The following CIMIP7 variants were observed in gnomAD, a reference collection of about 807,000 sequenced individuals.
CIMIP7 encodes uncharacterized protein C3orf84.
chr3:49,191,196 G>C, the CIMIP7 span, among the ~76,000 whole-genome samples: 2 of 152,258 alleles, frequency 1.3e-5, no homozygotes, highest in African/African-American at 4.8e-5. Flanking sequence ...TCCTAAGCCT[G>C]CCCTCTGGCC....
the CIMIP7 span, among the ~76,000 whole-genome samples, chr3:49,182,834 C>T: frequency 6.6e-6 from 1 of 152,192 alleles, no homozygotes; most frequent in East Asian, 1.9e-4. Context: ...TAAGGCCTGG[C>T]GAGAAATTCA....
At chr3:49,178,070 CCCTTGGCCCACATT>C in the CIMIP7 span, 1 of 1,556,530 alleles carries the variant, frequency 6.4e-7, no homozygotes, top group Non-Finnish European at 8.7e-7. Context: ...ACGGTATGGG[CCCTTGGCCCACATT>C]CCTGGCACCA....
chr3:49,178,660 C>A, the CIMIP7 span: 2 of 729,142 alleles, frequency 2.7e-6, no homozygotes, highest in South Asian at 1.6e-5. Flanking sequence ...TGCCCCTAAG[C>A]TGCTAAACTG....
At chr3:49,185,185 C>A in the CIMIP7 span, among the ~76,000 whole-genome samples, 1 of 151,282 alleles carries the variant, frequency 6.6e-6, no homozygotes, top group East Asian at 2.0e-4. Context: ...CACTTGAACC[C>A]GGGAGGCAGA....
At chr3:49,183,795 T>C in the CIMIP7 span, among the ~76,000 whole-genome samples, 4 of 152,262 alleles carry the variant, frequency 2.6e-5, no homozygotes, top group Non-Finnish European at 5.9e-5. Context: ...AACAGCTTTA[T>C]TTGTATGAGC....
chr3:49,187,965 T>C, the CIMIP7 span, among the ~76,000 whole-genome samples: 1 of 152,236 alleles, frequency 6.6e-6, no homozygotes, highest in Non-Finnish European at 1.5e-5. Context: ...ACATGCCCCT[T>C]ACATGTCTGT....
At chr3:49,183,116 A>G in the CIMIP7 span, among the ~76,000 whole-genome samples, 1 of 152,202 alleles carries the variant, frequency 6.6e-6, no homozygotes, top group Non-Finnish European at 1.5e-5. Flanking sequence ...GTGGGAGTCC[A>G]GGCAGAGGAG....
the CIMIP7 span, chr3:49,177,872 G>A: frequency 6.2e-7 from 1 of 1,613,818 alleles, no homozygotes; most frequent in Non-Finnish European, 8.5e-7. Flanking sequence ...AAGTGGATGA[G>A]GTGCTGGGGG....
chr3:49,181,886 G>A, the CIMIP7 span, among the ~76,000 whole-genome samples: 1 of 152,256 alleles, frequency 6.6e-6, no homozygotes, highest in East Asian at 1.9e-4. Context: ...TCTTAAAGGC[G>A]GCATGTCCGG....
the CIMIP7 span, among the ~76,000 whole-genome samples, chr3:49,181,451 G>A: frequency 6.6e-6 from 1 of 151,716 alleles, no homozygotes; most frequent in African/African-American, 2.4e-5. Context: ...AGGAGTTCAA[G>A]ACCGGCCTGG....
the CIMIP7 span, among the ~76,000 whole-genome samples, chr3:49,186,099 C>T: frequency 6.6e-6 from 1 of 150,826 alleles, no homozygotes; most frequent in African/African-American, 2.4e-5. Context: ...CTCCCGGGTT[C>T]GAGCAATTCT....
the CIMIP7 span, among the ~76,000 whole-genome samples, chr3:49,183,749 A>G: frequency 5.9e-3 from 903 of 152,322 alleles, 9 homozygotes; most frequent in African/African-American, 0.02. Context: ...AGACAAAAAC[A>G]TATGTTCAAC....
the CIMIP7 span, among the ~76,000 whole-genome samples, chr3:49,178,757 G>A: frequency 6.6e-6 from 1 of 152,118 alleles, no homozygotes; most frequent in Admixed American, 6.5e-5. Flanking sequence ...GCAGAAGCCC[G>A]TGGAACCCTT....
chr3:49,190,001 G>T, the CIMIP7 span: 1 of 1,577,258 alleles, frequency 6.3e-7, no homozygotes, highest in Non-Finnish European at 8.7e-7. Flanking sequence ...AGTCACCCCC[G>T]CTGCCTTCAG....
chr3:49,184,173 C>CT, the CIMIP7 span, among the ~76,000 whole-genome samples: 10 of 152,190 alleles, frequency 6.6e-5, no homozygotes, highest in Non-Finnish European at 1.3e-4. Context: ...AATTGTTTAA[C>CT]TTTTTTTAAG....
the CIMIP7 span, among the ~76,000 whole-genome samples, chr3:49,182,777 G>C: frequency 6.6e-6 from 1 of 152,202 alleles, no homozygotes; most frequent in Non-Finnish European, 1.5e-5. Flanking sequence ...GGGAGGTTCA[G>C]GCATGGCAGG....
At chr3:49,182,639 C>T in the CIMIP7 span, among the ~76,000 whole-genome samples, 2 of 152,358 alleles carry the variant, frequency 1.3e-5, no homozygotes, top group South Asian at 2.1e-4. Flanking sequence ...GGTGGAGCTG[C>T]CTGCCAGTCC....
chr3:49,178,598 A>T, the CIMIP7 span: 2 of 1,451,316 alleles, frequency 1.4e-6, no homozygotes, highest in Non-Finnish European at 1.9e-6. Context: ...ACCCACCCTT[A>T]CCTGGATCAC....
the CIMIP7 span, among the ~76,000 whole-genome samples, chr3:49,180,921 C>T: frequency 9.6e-6 from 1 of 103,826 alleles, no homozygotes; most frequent in Non-Finnish European, 1.8e-5. Flanking sequence ...CAGAGTGAGA[C>T]TCCGTCTCAA....
Sources: allele counts gnomAD v4.1 joint callset (sites outside exome capture counted in the v4.1 genomes callset), GRCh38; gene constraint gnomAD v4.1.1; transcripts MANE v1.5; gene names NCBI Gene and HGNC (gene_info 2026-07-23, HGNC 2026-07-21).